Variants in GALNT16 observed in about 807,000 individuals in gnomAD.
GALNT16 encodes the protein polypeptide N-acetylgalactosaminyltransferase 16, also known as UDP-GalNAc:polypeptide N-acetylgalactosaminyltransferase-like protein 1.
Under a neutral mutation model 76.1 loss-of-function variants are expected in GALNT16, and 40 were observed. The ratio of observed to expected loss-of-function variants is 0.53; its 90% CI spans 0.41 to 0.68. GALNT16 has a LOEUF of 0.68. Ranked by LOEUF, GALNT16 falls within the 30% of genes least tolerant of loss-of-function variation. GALNT16 has a pLI of 0.00. For missense variants in GALNT16, 621 were observed against 731.9 expected, an observed-to-expected ratio of 0.85 and a Z score of 1.75; for synonymous variants, 276 against 285.2, an observed-to-expected ratio of 0.97 and a Z score of 0.32.
the GALNT16 span, among the ~76,000 whole-genome samples, chr14:69,384,768 G>T: frequency 6.6e-6 from 1 of 152,160 alleles, no homozygotes; most frequent in Non-Finnish European, 1.5e-5. Flanking sequence ...TTATGTACCA[G>T]AGATGCAGCA....
rs753141501 is a variant in GALNT16 at position 69,260,465 on chromosome 14, A to G, written c.175A>G (p.Ile59Val). The G allele has an allele frequency of 6.8e-7, 1 of 1,481,126 alleles. No individual in the cohort carries two copies. The highest frequency in any genetic ancestry group is 9.0e-7 in the Non-Finnish European group (1 of 1,116,758). The allele number at this position is 1,481,126 out of a possible 1,614,324, so 91.7% of individuals were successfully genotyped here. The part of the protein sequence containing the change: ...QLREDRTIPL[I>V]VTGTPSKGFD... ...CCGCGAGGACCGCACCATCCCGCTC[A>G]TTGTGAGTACGCCCCGAGCGTCGGC... The change falls in exon 1 of 15, where the codon ATT (isoleucine) becomes GTT (valine). Residue 59 changes from isoleucine to valine, a missense_variant and splice_region_variant. By Grantham distance (29) the Ile-to-Val change is conservative. Transcript: ENST00000448469.
Position 69,333,499 on chromosome 14 carries a change from C to T in GALNT16, c.866C>T (p.Thr289Met). Residue 289 changes from threonine to methionine, a missense_variant and splice_region_variant, in exon 9 of 15, where the codon ACG becomes ATG. Thr to Met is a moderately conservative substitution (Grantham distance 81). Coordinates refer to ENST00000448469, the MANE Select transcript of GALNT16 (RefSeq NM_001168368.2). This position sits in a 1 kb window ranked among gnomAD's most constrained non-coding sequence, Gnocchi z 4.2. ...TRTDPTRPIR[T>M]PVIAGGIFVI... is the part of the protein sequence containing the mutation. ...GTCTTCCCTCTCCTTGCTCCCAGGA[C>T]GCCTGTCATAGCTGGAGGAATCTTC... is the stretch of plus-strand genomic sequence containing the variant. 4 of 1,600,454 alleles carry T rather than the reference C, an allele frequency of 2.5e-6. No homozygotes were observed. The highest frequency in any genetic ancestry group is 3.4e-6 in the Non-Finnish European group (4 of 1,167,960).
At chr14:69,365,048 C>T in the GALNT16 span, among the ~76,000 whole-genome samples, 1 of 152,168 alleles carries the variant, frequency 6.6e-6, no homozygotes, top group Non-Finnish European at 1.5e-5. Context: ...GTCTGATTCC[C>T]AGAATTGAGT....
chr14:69,377,535 A>G, the GALNT16 span, among the ~76,000 whole-genome samples: 4 of 152,220 alleles, frequency 2.6e-5, no homozygotes, highest in African/African-American at 9.6e-5. Context: ...GGTTGGGTGC[A>G]GTGGTTTATG....
At chr14:69,278,690 A>G (rs1356789677) in intron 1 of GALNT16, among the ~76,000 whole-genome samples, 1 of 152,206 alleles carries the variant, frequency 6.6e-6, no homozygotes, top group Non-Finnish European at 1.5e-5. Context: ...AAAAATTGTC[A>G]AATTGGCAGT....
Position 69,353,893 on chromosome 14 carries a change from G to C in GALNT16, c.*1725G>C, listed in dbSNP as rs2045667984. The C allele has an allele frequency of 1.3e-5, 2 of 152,324 alleles. No homozygotes were observed. The highest frequency in any genetic ancestry group is 6.5e-5 in the Admixed American group (1 of 15,288). 9.4% of individuals were successfully genotyped at this position (152,324 alleles called of 1,614,324 possible). On this transcript the variant is annotated 3_prime_UTR_variant, in exon 15 of 15. Transcript: ENST00000448469. ...CTCCACACGGCCCTTGGGGTCAGCA[G>C]CCAAGTGTCTGTGGTCCGCAGCACC...
rs907021323 is a variant in GALNT16, at chr14:69,353,184, G to A, written c.*1016G>A. The A allele has an allele frequency of 1.3e-5, 2 of 152,172 alleles. No homozygotes were observed. The highest frequency in any genetic ancestry group is 1.3e-4 in the Admixed American group (2 of 15,274). The allele number at this position is 152,172 out of a possible 1,614,324, so 9.4% of individuals were successfully genotyped here. The stretch of plus-strand genomic sequence containing the variant: ...TTGCCTCTGTCAATACAGCATCATG[G>A]GTGGTTGGAAAGAAGGGAACTTCCC... On this transcript the variant is annotated 3_prime_UTR_variant, in exon 15 of 15. Transcript: ENST00000448469.
rs184907621 is a variant in GALNT16 at position 69,331,577 on chromosome 14, C to T, written c.778+26C>T. 2.7e-5 allele frequency: 36 copies of T among 1,343,234 alleles called. No individual in the cohort carries two copies. The East Asian group carries it at 8.0e-4, about 30-fold the overall frequency. The allele number at this position is 1,343,234 out of a possible 1,614,324, so 83.2% of individuals were successfully genotyped here. Reference sequence around the variant, plus strand: ...GTGAGTTCTGCTCCCGGGGGTGGGGCTGTAGACATGAAAGGAGGTAGGTGA... The same window carrying T: ...GTGAGTTCTGCTCCCGGGGGTGGGGTTGTAGACATGAAAGGAGGTAGGTGA... On this transcript the variant is annotated intron_variant, in intron 7 of 14. Transcript: ENST00000448469.
At chr14:69,270,449 C>T (rs1022939144) in intron 1 of GALNT16, among the ~76,000 whole-genome samples, 4 of 152,212 alleles carry the variant, frequency 2.6e-5, no homozygotes, top group African/African-American at 9.7e-5. Flanking sequence ...ATTCCAATCC[C>T]CTGGCAGTCG....
intron 1 of GALNT16, among the ~76,000 whole-genome samples, chr14:69,315,759 T>G (rs980083334): frequency 6.6e-6 from 1 of 152,116 alleles, no homozygotes; most frequent in Non-Finnish European, 1.5e-5. Context: ...AGGACTGATA[T>G]CTCTGAACTT....
intron 1 of GALNT16, among the ~76,000 whole-genome samples, chr14:69,316,789 C>T (rs902417772): frequency 6.8e-6 from 1 of 146,116 alleles, no homozygotes; most frequent in Non-Finnish European, 1.5e-5. Flanking sequence ...GGGGGGGGCA[C>T]TGAAGGTCAC....
chr14:69,366,159 A>G, the GALNT16 span, among the ~76,000 whole-genome samples: 1 of 152,202 alleles, frequency 6.6e-6, no homozygotes, highest in African/African-American at 2.4e-5. Flanking sequence ...GTGATGTAAG[A>G]TTTCACAGAG....
rs747197481 is a variant in GALNT16, at chr14:69,339,661, A to G, written c.1187+42A>G. The G allele has an allele frequency of 1.5e-5, 18 of 1,230,936 alleles. No individual in the cohort carries two copies. In the Admixed American group the frequency reaches 3.0e-4, roughly 20 times the overall value. 76.3% of individuals were successfully genotyped at this position (1,230,936 alleles called of 1,614,324 possible). ...CCACTGTCTGACTCCCTCTACCCAC[A>G]TTAGCACAACCCCAGCAAAATACGA... On this transcript the variant is annotated intron_variant, in intron 11 of 14. Coordinates refer to ENST00000448469, the MANE Select transcript of GALNT16 (RefSeq NM_001168368.2).
chr14:69,349,138 T>C (rs924629443), intron 14 of GALNT16: 1 of 152,346 alleles, frequency 6.6e-6, no homozygotes, highest in Admixed American at 6.5e-5. Flanking sequence ...CCCAGCCCAC[T>C]TGCTGGACCT....
At chr14:69,295,786 A>AT (rs11455250) in intron 1 of GALNT16, among the ~76,000 whole-genome samples, 47,559 of 151,496 alleles carry the variant, frequency 0.31, 8,096 homozygotes, top group East Asian at 0.57. Context: ...CTCACAATAT[A>AT]TTTTTTTTTC....
chr14:69,315,537 A>T (rs761454213), intron 1 of GALNT16, among the ~76,000 whole-genome samples: 9 of 152,172 alleles, frequency 5.9e-5, no homozygotes, highest in Non-Finnish European at 1.2e-4. Flanking sequence ...TCAAAGCCTG[A>T]ACACCGCCCT....
In GALNT16 at chr14:69,333,637, G is replaced by C. The variant is rs1323758595; in HGVS notation, c.967+37G>C. On this transcript the variant is annotated intron_variant, in intron 9 of 14. Coordinates refer to ENST00000448469, the MANE Select transcript of GALNT16 (RefSeq NM_001168368.2). The surrounding 1 kb of genome is among the most constrained non-coding windows in gnomAD (Gnocchi z 4.2). Reference sequence around the variant, plus strand: ...AATAGTGACAGTGAAAATAACAGTAGCAGTAATAACCACAGTTAACCCTGA... The same window carrying C: ...AATAGTGACAGTGAAAATAACAGTACCAGTAATAACCACAGTTAACCCTGA... The C allele has an allele frequency of 9.2e-7, 1 of 1,090,928 alleles. No individual in the cohort carries two copies. Among genetic ancestry groups the C allele is most frequent in the Admixed American group, 1.7e-5 (1 of 59,016 alleles). 67.6% of individuals were successfully genotyped at this position (1,090,928 alleles called of 1,614,324 possible). A position where few individuals can be genotyped will look rare whatever the true frequency, so the allele number is the denominator to read the frequency against.
chr14:69,322,444 C>T (rs1370255256), intron 2 of GALNT16, among the ~76,000 whole-genome samples: 1 of 152,246 alleles, frequency 6.6e-6, no homozygotes, highest in East Asian at 1.9e-4. Flanking sequence ...GTTCACCCCC[C>T]AGCTTACCTG....
chr14:69,375,515 T>C, the GALNT16 span, among the ~76,000 whole-genome samples: 484 of 152,376 alleles, frequency 3.2e-3, 1 homozygote, highest in Non-Finnish European at 3.7e-3. Context: ...CAAAAGCCTG[T>C]AGATGAAGGT....
Sources: allele counts gnomAD v4.1 joint callset (sites outside exome capture counted in the v4.1 genomes callset), GRCh38; gene constraint gnomAD v4.1.1; non-coding constraint Gnocchi (gnomAD v3.1); transcripts MANE v1.5; gene names NCBI Gene and HGNC (gene_info 2026-07-23, HGNC 2026-07-21).